Variants in TOX2 observed in about 807,000 individuals in gnomAD.
The protein encoded by TOX2 is TOX high mobility group box family member 2.
TOX2 carries 15 observed loss-of-function variants against 47.4 expected under a neutral mutation model. The observed-to-expected ratio is 0.32, with a 90% confidence interval of 0.21 to 0.49. TOX2 has a LOEUF of 0.49. TOX2 is among the 20% of genes least tolerant of loss of function. TOX2 has a pLI of 0.99. For missense variants in TOX2, 622 were observed against 673.1 expected (o/e 0.92, Z 0.84); for synonymous variants, 290 against 296.6 (o/e 0.98, Z 0.23).
chr20:43,933,435 G>A (rs574750399), intron 1 of TOX2, among the ~76,000 whole-genome samples: 186 of 152,226 alleles, frequency 1.2e-3, no homozygotes, highest in Middle Eastern at 3.2e-3. Flanking sequence ...CGCAGATTCT[G>A]ATTCAGTAGG....
At position 44,051,344 on chromosome 20, in the gene TOX2, C is replaced by G; in HGVS notation, c.450C>G (p.Asp150Glu). The change falls in exon 4 of 9, where the codon GAC becomes GAG. Residue 150 changes from aspartate to glutamate, a missense_variant. Transcript: ENST00000341197. ...TCCACTCGGAAGTGGCTGCCTATGA[C>G]TCGGGCCGGCCCGGGCCCCTGCTGG... Reference protein sequence around the residue: ...EMVHSEVAAYDSGRPGPLLGR... With the variant: ...EMVHSEVAAYESGRPGPLLGR... 1 of 1,612,920 alleles carries G rather than the reference C, an allele frequency of 6.2e-7. No individual in the cohort carries two copies. Among genetic ancestry groups the G allele is most frequent in the Non-Finnish European group, 8.5e-7 (1 of 1,179,214 alleles).
chr20:44,057,552 T>A (rs2071642837), intron 5 of TOX2, among the ~76,000 whole-genome samples: 1 of 151,410 alleles, frequency 6.6e-6, no homozygotes, highest in South Asian at 2.1e-4. Context: ...GATAGGAAAG[T>A]TCTTTCAAAT....
chr20:43,967,187 G>C (rs2069871037), intron 1 of TOX2, among the ~76,000 whole-genome samples: 1 of 152,128 alleles, frequency 6.6e-6, no homozygotes, highest in Non-Finnish European at 1.5e-5. Context: ...TTAAGACAGG[G>C]GAGTGCTGGA....
intron 3 of TOX2, among the ~76,000 whole-genome samples, chr20:44,014,158 AAAAG>A (rs1423665999): frequency 7.4e-6 from 1 of 134,354 alleles, no homozygotes; most frequent in Non-Finnish European, 1.6e-5. Flanking sequence ...AAAAAAAAGG[AAAAG>A]AGAGATGTGT....
At chr20:44,068,533 C>G (rs1259159640) in intron 8 of TOX2, 117 bp from the exon 9 acceptor site, 1 of 1,206,632 alleles carries the variant, frequency 8.3e-7, no homozygotes, top group Non-Finnish European at 1.1e-6. Context: ...CTCATTCAGC[C>G]ACAGAGGGGC....
At chr20:43,952,675 AG>A (rs1212538776) in intron 1 of TOX2, among the ~76,000 whole-genome samples, 1 of 152,216 alleles carries the variant, frequency 6.6e-6, no homozygotes. Flanking sequence ...CCTGAGGTGT[AG>A]TGTCCTATGT....
chr20:43,967,320 T>C (rs116756384), intron 1 of TOX2, among the ~76,000 whole-genome samples: 3,048 of 152,208 alleles, frequency 0.02, 116 homozygotes, highest in African/African-American at 0.07. Flanking sequence ...GTAATTTGGC[T>C]AAAGATGAGG....
intron 3 of TOX2, among the ~76,000 whole-genome samples, chr20:44,042,546 T>C (rs1159710062): frequency 6.6e-6 from 1 of 152,198 alleles, no homozygotes; most frequent in Admixed American, 6.5e-5. Context: ...ATAGGAAACT[T>C]AGCAAAAAGG....
intron 3 of TOX2, among the ~76,000 whole-genome samples, chr20:44,009,445 T>G (rs942360144): frequency 6.6e-6 from 1 of 152,166 alleles, no homozygotes; most frequent in Non-Finnish European, 1.5e-5. Context: ...CTCCAGAAAT[T>G]TTTTCCTCGT....
At position 44,008,750 on chromosome 20, in the gene TOX2, G is replaced by C. The variant is rs373309065; in HGVS notation, c.411+1958G>C. 1.8e-4 allele frequency among the ~76,000 whole-genome samples: 28 copies of C among 152,140 alleles called. No homozygotes were observed. The East Asian group carries it at 4.8e-3, about 26-fold the overall frequency. ...ACATTTAATATTACGTACTAGTCAT[G>C]ACTCTTACGTTCATTTTTAAGTGAC... On this transcript the variant is annotated intron_variant, in intron 3 of 8. Transcript: ENST00000341197.
intron 3 of TOX2, chr20:44,039,285 C>G: frequency 7.8e-7 from 1 of 1,289,366 alleles, no homozygotes. Flanking sequence ...GAGAGAAGCC[C>G]ACATGTCCCC....
At chr20:43,919,883 A>G (rs1455813131) in intron 1 of TOX2, among the ~76,000 whole-genome samples, 1 of 152,246 alleles carries the variant, frequency 6.6e-6, no homozygotes, top group Non-Finnish European at 1.5e-5. Flanking sequence ...ATAGTATTCC[A>G]TGGTGTATGT....
At chr20:43,995,626 C>T (rs1245511999) in intron 2 of TOX2, among the ~76,000 whole-genome samples, 1 of 152,144 alleles carries the variant, frequency 6.6e-6, no homozygotes, top group East Asian at 1.9e-4. Context: ...AGGTATTCAG[C>T]CTAGTACCCA....
intron 1 of TOX2, among the ~76,000 whole-genome samples, chr20:43,949,391 A>C (rs1261092736): frequency 6.6e-6 from 1 of 152,192 alleles, no homozygotes; most frequent in Non-Finnish European, 1.5e-5. Flanking sequence ...CGCAGCAGCC[A>C]GTGGGATCTC....
chr20:44,063,311 G>A (rs996184598), intron 5 of TOX2, among the ~76,000 whole-genome samples: 1 of 152,028 alleles, frequency 6.6e-6, no homozygotes, highest in Non-Finnish European at 1.5e-5. Flanking sequence ...ATCAAAAATT[G>A]GGCTAAGGAG....
At chr20:44,058,475 C>A (rs1170099874) in intron 5 of TOX2, among the ~76,000 whole-genome samples, 1 of 152,242 alleles carries the variant, frequency 6.6e-6, no homozygotes, top group Non-Finnish European at 1.5e-5. Context: ...CATAATCTCT[C>A]TTGGGAACTC....
At chr20:43,982,515 C>A (rs1314011487) in intron 2 of TOX2, among the ~76,000 whole-genome samples, 1 of 152,024 alleles carries the variant, frequency 6.6e-6, no homozygotes, top group Non-Finnish European at 1.5e-5. Context: ...AGCTGGATGG[C>A]AAGGACACCT....
At chr20:44,027,032 G>A (rs373988586) in intron 3 of TOX2, among the ~76,000 whole-genome samples, 4 of 152,258 alleles carry the variant, frequency 2.6e-5, no homozygotes, top group Admixed American at 1.3e-4. Context: ...AATATTGAGC[G>A]GCGAGGCAGT....
At chr20:43,999,507 T>G (rs896611432) in intron 2 of TOX2, among the ~76,000 whole-genome samples, 1 of 152,138 alleles carries the variant, frequency 6.6e-6, no homozygotes, top group African/African-American at 2.4e-5. Context: ...ATAAAATATG[T>G]AGGAATAAAT....
Sources: gnomAD v4.1 joint callset for allele counts (sites outside exome capture counted in the v4.1 genomes callset) on GRCh38, gnomAD v4.1.1 for gene constraint, MANE v1.5 for transcripts, NCBI Gene and HGNC (gene_info 2026-07-23, HGNC 2026-07-21) for gene names.